ZNF497: variants seen among roughly 807,000 people sequenced by gnomAD.
The protein encoded by ZNF497 is zinc finger-like protein.
For synonymous variants in ZNF497, 422 were observed against 313.7 expected, an observed-to-expected ratio of 1.35 and a Z score of -3.65; for missense variants, 930 against 714.0, an observed-to-expected ratio of 1.30 and a Z score of -3.45.
rs750139081 is a variant in ZNF497, at chr19:58,356,254, C to T, written c.1382G>A (p.Arg461Gln). 4.4e-6 allele frequency: 7 copies of T among 1,605,196 alleles called. No homozygotes were observed. The highest frequency in any genetic ancestry group is 3.3e-4 in the Middle Eastern group (2 of 6,008). Residue 461 changes from arginine to glutamine, a missense_variant, in exon 3 of 3, where the codon CGG becomes CAG. By Grantham distance (43) the Arg-to-Gln change is conservative. Transcript: ENST00000311044. ...FVRKSELLSHRRTHTGERPYA... is the reference protein window; with the variant it reads ...FVRKSELLSHQRTHTGERPYA... The stretch of plus-strand genomic sequence containing the variant: ...GGGCCTCTCGCCCGTGTGCGTGCGC[C>T]GGTGGCTTAAGAGCTCCGACTTGCG...
At position 58,357,393 on chromosome 19, in the gene ZNF497, C is replaced by G; in HGVS notation, c.243G>C (p.Arg81=). Residue 81 remains arginine (R), a synonymous_variant, in exon 3 of 3, where the codon CGG becomes CGC. Coordinates refer to ENST00000311044, the MANE Select transcript of ZNF497 (RefSeq NM_198458.3). ...GRELGPADGG[R]DGAGPRSEPA... is the part of the protein sequence containing the mutation. ...GCTCGCTCCTGGGCCCAGCCCCGTC[C>G]CGCCCACCGTCTGCGGGGCCCAGCT... 6.3e-7 allele frequency: 1 copy of G among 1,595,572 alleles called. No individual in the cohort carries two copies. Among genetic ancestry groups the G allele is most frequent in the African/African-American group, 1.3e-5 (1 of 74,584 alleles).
chr19:58,357,108 C>G lies in ZNF497; in HGVS notation c.528G>C (p.Gln176His), dbSNP rs1238751240. The part of the protein sequence containing the change: ...ECGKAFRAHS[Q>H]LIHHQETHSG... ...TGTGTGTCTCCTGGTGGTGGATGAGCTGCGAGTGCGCGCGGAAGGCCTTGC... is the reference window on the plus strand; with the variant it reads ...TGTGTGTCTCCTGGTGGTGGATGAGGTGCGAGTGCGCGCGGAAGGCCTTGC... Residue 176 changes from glutamine to histidine, a missense_variant, in exon 3 of 3, where the codon CAG becomes CAC. Gln to His is a conservative substitution (Grantham distance 24, BLOSUM62 0). Transcript: ENST00000311044. 9.3e-6 allele frequency: 15 copies of G among 1,608,562 alleles called. No individual in the cohort carries two copies. The highest frequency in any genetic ancestry group is 1.3e-5 in the Non-Finnish European group (15 of 1,176,366).
In ZNF497 at chr19:58,357,046, T is replaced by C; in HGVS notation, c.590A>G (p.Lys197Arg). 2.5e-6 allele frequency: 4 copies of C among 1,610,862 alleles called. No individual in the cohort carries two copies. Among genetic ancestry groups the C allele is most frequent in the Non-Finnish European group, 3.4e-6 (4 of 1,179,116 alleles). ...LKPFRCPDCG[K>R]SFGRSTTLVQ... ...CAGCGTGGTGCTTCGGCCGAAGGAC[T>C]TGCCGCAGTCCGGGCAGCGGAAGGG... is the stretch of plus-strand genomic sequence containing the variant. The change falls in exon 3 of 3, where the codon AAG becomes AGG. Residue 197 changes from lysine (K) to arginine (R), a missense_variant. Transcript: ENST00000311044.
chr19:58,358,022 G>C (rs1216145353), intron 2 of ZNF497: 2 of 1,226,794 alleles, frequency 1.6e-6, no homozygotes, highest in South Asian at 1.6e-5. Flanking sequence ...GTGTCAAGAA[G>C]GTGGAGACTC....
At chr19:58,359,373 CCT>C in intron 1 of ZNF497, 10 of 744,694 alleles carry the variant, frequency 1.3e-5, no homozygotes, top group Non-Finnish European at 1.8e-5. Flanking sequence ...ACGAAGGTCC[CCT>C]CCTTGGGACC....
In ZNF497 at chr19:58,356,665, T is replaced by G. The variant is rs1403633044; in HGVS notation, c.971A>C (p.His324Pro). The part of the protein sequence containing the change: ...SSQLLQHQRT[H>P]TGERPFECAE... ...GCACTCGAAGGGCCGCTCACCAGTG[T>G]GCGTGCGCTGGTGCTGCAGGAGCTG... Residue 324 changes from histidine to proline, a missense_variant, in exon 3 of 3, where the codon CAC (histidine) becomes CCC (proline). His to Pro is a moderately conservative substitution (Grantham distance 77, BLOSUM62 -2). Coordinates refer to ENST00000311044, the MANE Select transcript of ZNF497 (RefSeq NM_198458.3). 1 of 1,551,056 alleles carries G rather than the reference T, an allele frequency of 6.4e-7. No homozygotes were observed.
At chr19:58,358,875 CCCAGCCCCCAGA>C (rs2052059111) in intron 1 of ZNF497, 1 of 456,610 alleles carries the variant, frequency 2.2e-6, no homozygotes, top group South Asian at 1.6e-5. Context: ...GGGAAGCACA[CCCAGCCCCCAGA>C]CCAGCCCCCA....
intron 1 of ZNF497, 112 bp from the exon 2 acceptor site, chr19:58,358,697 G>A (rs748487687): frequency 2.2e-5 from 11 of 494,696 alleles, no homozygotes; most frequent in South Asian, 1.1e-4. Flanking sequence ...CAGTTCTCAG[G>A]ACACAATGCG....
intron 1 of ZNF497, chr19:58,359,394 CTG>C (rs1368400843): frequency 3.6e-6 from 2 of 562,164 alleles, no homozygotes; most frequent in Non-Finnish European, 6.2e-6. Flanking sequence ...CCACCTGAGA[CTG>C]AGTAAAAATG....
chr19:58,362,271 C>T (rs1356638506), intron 1 of ZNF497, among the ~76,000 whole-genome samples: 1 of 152,190 alleles, frequency 6.6e-6, no homozygotes, highest in African/African-American at 2.4e-5. Context: ...GCGGGCAGCT[C>T]CGGAGGCTGG....
intron 1 of ZNF497, among the ~76,000 whole-genome samples, chr19:58,361,459 C>G (rs879660758): frequency 1.6e-4 from 24 of 152,122 alleles, no homozygotes; most frequent in Admixed American, 5.2e-4. Context: ...TGGGTACAAG[C>G]GATTCTCCTG....
chr19:58,359,159 A>G (rs1470139839), intron 1 of ZNF497: 13 of 1,285,948 alleles, frequency 1.0e-5, no homozygotes, highest in African/African-American at 1.5e-5. Flanking sequence ...GAACCCCCAG[A>G]AGCACTGGCC....
At chr19:58,360,511 C>G (rs567663924) in intron 1 of ZNF497, among the ~76,000 whole-genome samples, 1 of 151,828 alleles carries the variant, frequency 6.6e-6, no homozygotes, top group East Asian at 1.9e-4. Context: ...GCCACCATAC[C>G]CAGCTAATTT....
intron 2 of ZNF497, chr19:58,358,228 C>A: frequency 7.8e-7 from 1 of 1,289,908 alleles, no homozygotes; most frequent in Non-Finnish European, 1.0e-6. Flanking sequence ...CCACACCAGG[C>A]CTCTGTGCAG....
intron 2 of ZNF497, 41 bp from the exon 3 acceptor site, chr19:58,357,690 A>G (rs1225240478): frequency 1.3e-6 from 2 of 1,486,592 alleles, no homozygotes; most frequent in Admixed American, 2.4e-5. Flanking sequence ...AGAGAATACA[A>G]AGAACACCAG....
At chr19:58,357,809 G>A in intron 2 of ZNF497, 160 bp from the exon 3 acceptor site, 1 of 1,209,652 alleles carries the variant, frequency 8.3e-7, no homozygotes, top group Non-Finnish European at 1.1e-6. Flanking sequence ...AGGAAGGCCA[G>A]CAGGCGGGCT....
Position 58,357,413 on chromosome 19 carries a change from C to T in ZNF497, c.223G>A (p.Gly75Ser), listed in dbSNP as rs1478869450. The T allele has an allele frequency of 6.2e-7, 1 of 1,600,022 alleles. No homozygotes were observed. The highest frequency in any genetic ancestry group is 8.5e-7 in the Non-Finnish European group (1 of 1,174,046). The change falls in exon 3 of 3, where the codon GGC (glycine) becomes AGC (serine). Residue 75 changes from glycine to serine, a missense_variant. By Grantham distance (56) the Gly-to-Ser change is moderately conservative (BLOSUM62 0). Coordinates refer to ENST00000311044, the MANE Select transcript of ZNF497 (RefSeq NM_198458.3). ...CCGTCCCGCCCACCGTCTGCGGGGC[C>T]CAGCTCCCTGCCGGGGCCTCCCTGT... Reference protein sequence around the residue: ...DEQGGPGRELGPADGGRDGAG... With the variant: ...DEQGGPGRELSPADGGRDGAG...
chr19:58,356,502 G>A lies in ZNF497; in HGVS notation c.1134C>T (p.Arg378=). 6.5e-7 allele frequency: 1 copy of A among 1,548,384 alleles called. No homozygotes were observed. The highest frequency in any genetic ancestry group is 8.7e-7 in the Non-Finnish European group (1 of 1,152,762). ...SQRSNLLSHR[R]THSGAKPFAC... is the part of the protein sequence containing the mutation. ...CGAAGGGCTTGGCGCCCGAGTGCGTGCGCCGGTGGCTCAGTAGGTTGGAGC... is the reference window on the plus strand; with the variant it reads ...CGAAGGGCTTGGCGCCCGAGTGCGTACGCCGGTGGCTCAGTAGGTTGGAGC... Residue 378 remains arginine, a synonymous_variant, in exon 3 of 3, where the codon CGC becomes CGT. Coordinates refer to ENST00000311044, the MANE Select transcript of ZNF497 (RefSeq NM_198458.3).
chr19:58,358,293 G>C (rs1045352444), intron 2 of ZNF497, 196 bp downstream of exon 2: 29 of 1,288,878 alleles, frequency 2.3e-5, no homozygotes, highest in Non-Finnish European at 2.8e-5. Flanking sequence ...ATCCCTGAGA[G>C]AGAGAGAGGC....
Sources: gnomAD v4.1 joint callset for allele counts (sites outside exome capture counted in the v4.1 genomes callset) on GRCh38, gnomAD v4.1.1 for gene constraint, MANE v1.5 for transcripts, NCBI Gene and HGNC (gene_info 2026-07-23, HGNC 2026-07-21) for gene names.